The following RIN2 variants were observed in gnomAD, a reference collection of about 807,000 sequenced individuals.
RIN2 encodes the protein Ras and Rab interactor 2.
In RIN2, 36 loss-of-function variants were observed where a neutral mutation model predicts 78.0. The observed-to-expected ratio is 0.46, with a 90% CI of 0.35 to 0.61. The LOEUF (loss-of-function observed/expected upper bound fraction) is 0.61. RIN2 is among the 20% of genes least tolerant of loss of function. The probability of loss-of-function intolerance (pLI) is 0.00; values close to 1 mark genes in which losing one functional copy is unlikely to be tolerated. For missense variants in RIN2, 1,087 were observed against 1,159.7 expected, an observed-to-expected ratio of 0.94 and a Z score of 0.91; for synonymous variants, 466 against 466.8, an observed-to-expected ratio of 1.00 and a Z score of 0.02.
intron 2 of RIN2, 96 bp downstream of exon 2, chr20:19,799,843 A>G (rs934713923): frequency 2.0e-5 from 3 of 152,162 alleles, no homozygotes; most frequent in Non-Finnish European, 4.4e-5. Context: ...CATGTGCTAT[A>G]GTTGTGATAT....
chr20:19,885,610 G>C (rs1470236036), intron 2 of RIN2, among the ~76,000 whole-genome samples: 1 of 151,966 alleles, frequency 6.6e-6, no homozygotes, highest in Non-Finnish European at 1.5e-5. Flanking sequence ...AAGCTAAAGT[G>C]AGCTGAGATG....
chr20:19,772,584 T>G (rs2034169976), intron 1 of RIN2, among the ~76,000 whole-genome samples: 1 of 152,114 alleles, frequency 6.6e-6, no homozygotes, highest in African/African-American at 2.4e-5. Flanking sequence ...AGACACAAGC[T>G]TCCACTGACA....
intron 1 of RIN2, among the ~76,000 whole-genome samples, chr20:19,760,093 G>T (rs1460607355): frequency 6.6e-6 from 1 of 152,202 alleles, no homozygotes; most frequent in Middle Eastern, 3.2e-3. Context: ...GGATATAGAG[G>T]TGCTAATTTT....
At chr20:19,920,040 A>T (rs1307542608) in intron 3 of RIN2, among the ~76,000 whole-genome samples, 1 of 152,152 alleles carries the variant, frequency 6.6e-6, no homozygotes, top group African/African-American at 2.4e-5. Flanking sequence ...CACGCCTGTA[A>T]TCCCAGCACT....
intron 2 of RIN2, among the ~76,000 whole-genome samples, chr20:19,845,574 ATT>A (rs58960543): frequency 2.1e-3 from 288 of 138,616 alleles, no homozygotes; most frequent in East Asian, 5.0e-3. Context: ...CTACTTTTTG[ATT>A]TTTTTTTTTT....
intron 1 of RIN2, among the ~76,000 whole-genome samples, chr20:19,780,087 C>T (rs546716708): frequency 6.6e-6 from 1 of 152,228 alleles, no homozygotes; most frequent in South Asian, 2.1e-4. Flanking sequence ...AACAAAAATA[C>T]AAAACACCAA....
At chr20:19,830,619 A>C (rs760194874) in intron 2 of RIN2, among the ~76,000 whole-genome samples, 83 of 152,240 alleles carry the variant, frequency 5.5e-4, no homozygotes, top group Non-Finnish European at 1.0e-3. Context: ...TTGCTGTGGA[A>C]TAAAGCATGA....
intron 3 of RIN2, among the ~76,000 whole-genome samples, chr20:19,908,906 C>T (rs2039342574): frequency 6.6e-6 from 1 of 152,170 alleles, no homozygotes; most frequent in Non-Finnish European, 1.5e-5. Flanking sequence ...CTCCTGTTGC[C>T]CAGGCTGGAG....
chr20:19,794,334 TCA>T (rs1226700024), intron 1 of RIN2, among the ~76,000 whole-genome samples: 4 of 152,054 alleles, frequency 2.6e-5, no homozygotes, highest in African/African-American at 9.7e-5. Flanking sequence ...GGCGGGCAGA[TCA>T]CCTGAGGTCA....
chr20:19,798,229 C>G (rs1347043013), intron 1 of RIN2, among the ~76,000 whole-genome samples: 1 of 152,100 alleles, frequency 6.6e-6, no homozygotes, highest in Non-Finnish European at 1.5e-5. Context: ...TATATAAGAA[C>G]CCAGGTTAAG....
chr20:19,959,216 G>T (rs987812332), intron 5 of RIN2, among the ~76,000 whole-genome samples: 2 of 152,200 alleles, frequency 1.3e-5, no homozygotes, highest in African/African-American at 4.8e-5. Flanking sequence ...TTCGTCTGCA[G>T]GCCAGACTTT....
intron 3 of RIN2, among the ~76,000 whole-genome samples, chr20:19,893,413 G>T (rs1235657628): frequency 6.6e-6 from 1 of 152,178 alleles, no homozygotes; most frequent in Non-Finnish European, 1.5e-5. Flanking sequence ...TTTGTGTAAA[G>T]CACAGATAAT....
At chr20:19,797,498 T>C (rs925722857) in intron 1 of RIN2, among the ~76,000 whole-genome samples, 3 of 152,230 alleles carry the variant, frequency 2.0e-5, no homozygotes, top group Admixed American at 2.0e-4. Context: ...ATATAAACCA[T>C]GCAACAGGCT....
At chr20:19,828,002 A>G (rs2036147226) in intron 2 of RIN2, among the ~76,000 whole-genome samples, 1 of 151,964 alleles carries the variant, frequency 6.6e-6, no homozygotes, top group African/African-American at 2.4e-5. Context: ...GCCCTTACCC[A>G]TATTTGCATG....
chr20:19,915,392 C>A (rs1471019570), intron 3 of RIN2, among the ~76,000 whole-genome samples: 1 of 152,140 alleles, frequency 6.6e-6, no homozygotes, highest in Non-Finnish European at 1.5e-5. Flanking sequence ...AACTCCCCAG[C>A]ACTGTGGTCT....
intron 1 of RIN2, among the ~76,000 whole-genome samples, chr20:19,759,605 C>G (rs2033548859): frequency 6.6e-6 from 1 of 152,192 alleles, no homozygotes; most frequent in Non-Finnish European, 1.5e-5. Flanking sequence ...TGGCTTATGC[C>G]TGTAATCCCA....
At position 19,841,323 on chromosome 20, in the gene RIN2, A is replaced by G. The variant is rs56323705; in HGVS notation, c.-37+41576A>G. Among the ~76,000 whole-genome samples, 793 of 152,124 alleles carry G rather than the reference A, an allele frequency of 5.2e-3. 3 individuals carry two copies. The highest frequency in any genetic ancestry group is 8.6e-3 in the Non-Finnish European group (582 of 67,972). ...AGGACTTTACTGTGATTTTTTTGGCAGTGCTGGCTTGAACATGAATTGGCT... is the reference window on the plus strand; with the variant it reads ...AGGACTTTACTGTGATTTTTTTGGCGGTGCTGGCTTGAACATGAATTGGCT... On this transcript the variant is annotated intron_variant, in intron 2 of 12. Transcript: ENST00000255006.
chr20:19,773,052 G>T (rs2034189785), intron 1 of RIN2, among the ~76,000 whole-genome samples: 1 of 152,182 alleles, frequency 6.6e-6, no homozygotes, highest in African/African-American at 2.4e-5. Flanking sequence ...TGAAATCAAG[G>T]TGTTGGCAGG....
At chr20:19,996,378 G>A (rs528472120) in intron 11 of RIN2, among the ~76,000 whole-genome samples, 2 of 152,152 alleles carry the variant, frequency 1.3e-5, no homozygotes, top group East Asian at 1.9e-4. Flanking sequence ...TCAGTCTCAC[G>A]CACTAGAATG....
Sources: allele counts gnomAD v4.1 joint callset (sites outside exome capture counted in the v4.1 genomes callset), GRCh38; gene constraint gnomAD v4.1.1; transcripts MANE v1.5; gene names NCBI Gene and HGNC (gene_info 2026-07-23, HGNC 2026-07-21).